CPSF4: variants seen among roughly 807,000 people sequenced by gnomAD.
The protein encoded by CPSF4 is cleavage and polyadenylation specific factor 4.
Under a neutral mutation model 37.7 loss-of-function variants are expected in CPSF4, and 11 were observed. The observed-to-expected ratio is 0.29, with a 90% CI of 0.18 to 0.48. The LOEUF is 0.48. Among genes scored for constraint, CPSF4 ranks in the 20% least tolerant of loss-of-function variants. CPSF4 has a pLI of 0.99. For synonymous variants in CPSF4, 132 were observed against 135.9 expected (o/e 0.97, Z 0.20); for missense variants, 144 against 359.5 (o/e 0.40, Z 4.85).
At position 99,443,401 on chromosome 7, in the gene CPSF4, C is replaced by A. The variant is rs539721298; in HGVS notation, c.104-1388C>A. The stretch of plus-strand genomic sequence containing the variant: ...TATGCCTGGAGTCTGTGGATAAGAT[C>A]TTGCTTTATTCCCTTGGTCTCCAAA... On this transcript the variant is annotated intron_variant, in intron 1 of 7. Coordinates refer to ENST00000292476, the MANE Select transcript of CPSF4 (RefSeq NM_006693.4). 4.5e-5 allele frequency: 65 copies of A among 1,457,320 alleles called. No homozygotes were observed. The East Asian group carries it at 1.5e-3, about 33-fold the overall frequency. 90.3% of individuals were successfully genotyped at this position (1,457,320 alleles called of 1,614,324 possible).
At chr7:99,442,334 T>TTTTTCTTTTC (rs1378782392) in intron 1 of CPSF4, among the ~76,000 whole-genome samples, 1 of 152,062 alleles carries the variant, frequency 6.6e-6, no homozygotes. Flanking sequence ...CTGTGCTTTT[T>TTTTTCTTTTC]TTTTCTTTTC....
chr7:99,454,547 C>T (rs899365624), intron 7 of CPSF4, among the ~76,000 whole-genome samples: 1 of 152,132 alleles, frequency 6.6e-6, no homozygotes, highest in Non-Finnish European at 1.5e-5. Context: ...TGTCCCCATC[C>T]CCTCCCCCAG....
intron 5 of CPSF4, 199 bp downstream of exon 5, chr7:99,450,994 C>G (rs1797890848): frequency 3.5e-6 from 2 of 566,382 alleles, no homozygotes; most frequent in Non-Finnish European, 6.3e-6. Flanking sequence ...TCTGCCTAGA[C>G]CAGGAGCTGA....
At chr7:99,440,499 C>A (rs1288235766) in intron 1 of CPSF4, among the ~76,000 whole-genome samples, 2 of 151,512 alleles carry the variant, frequency 1.3e-5, no homozygotes, top group African/African-American at 4.9e-5. Context: ...CAGGCATGCA[C>A]CAACACGCCT....
rs570745620 is a variant in CPSF4, at chr7:99,448,496, C to G, written c.307+223C>G. On this transcript the variant is annotated intron_variant, in intron 3 of 7. Coordinates refer to ENST00000292476, the MANE Select transcript of CPSF4 (RefSeq NM_006693.4). This position sits in a 1 kb window ranked among gnomAD's most constrained non-coding sequence, Gnocchi z 4.4. ...TTTTTTTTTTAAAGACATAGGGTCTCGCTATGTTTCACATACTGGTCTTGA... is the reference window on the plus strand; with the variant it reads ...TTTTTTTTTTAAAGACATAGGGTCTGGCTATGTTTCACATACTGGTCTTGA... 1 of 478,280 alleles carries G rather than the reference C, an allele frequency of 2.1e-6. No individual in the cohort carries two copies. Among genetic ancestry groups the G allele is most frequent in the Non-Finnish European group, 3.7e-6 (1 of 272,624 alleles). The allele number at this position is 478,280 out of a possible 1,614,324, so 29.6% of individuals were successfully genotyped here. A position where few individuals can be genotyped will look rare whatever the true frequency, so the allele number is the denominator to read the frequency against.
Position 99,454,001 on chromosome 7 carries a change from C to T in CPSF4, c.606C>T (p.Ser202=), listed in dbSNP as rs1164000126. ...ATCCGCCATTACAAAGGTCGTCCTC[C>T]TTGATCCAGTTAACGAGTCAGAACT... ...SNNPPLQRSS[S]LIQLTSQNSS... Residue 202 remains serine, a synonymous_variant, in exon 7 of 8, where the codon TCC becomes TCT. Coordinates refer to ENST00000292476, the MANE Select transcript of CPSF4 (RefSeq NM_006693.4). 6.2e-7 allele frequency: 1 copy of T among 1,614,084 alleles called. No individual in the cohort carries two copies. The highest frequency in any genetic ancestry group is 2.2e-5 in the East Asian group (1 of 44,896).
intron 1 of CPSF4, among the ~76,000 whole-genome samples, chr7:99,443,986 T>TA (rs772010285): frequency 6.6e-6 from 1 of 152,204 alleles, no homozygotes. Flanking sequence ...TTTCTGCACT[T>TA]AATGTGCTTC....
At chr7:99,445,685 A>C (rs1797433837) in intron 2 of CPSF4, among the ~76,000 whole-genome samples, 1 of 152,068 alleles carries the variant, frequency 6.6e-6, no homozygotes, top group South Asian at 2.1e-4. Context: ...GGAGTTTGAG[A>C]CCAGCCTGGC....
Position 99,453,910 on chromosome 7 carries a change from G to A in CPSF4, c.571-56G>A. 4 of 1,546,582 alleles carry A rather than the reference G, an allele frequency of 2.6e-6. No homozygotes were observed. Among genetic ancestry groups the A allele is most frequent in the Non-Finnish European group, 3.6e-6 (4 of 1,125,670 alleles). On this transcript the variant is annotated intron_variant, in intron 6 of 7. Coordinates refer to ENST00000292476, the MANE Select transcript of CPSF4 (RefSeq NM_006693.4). This position sits in a 1 kb window ranked among gnomAD's most constrained non-coding sequence, Gnocchi z 4.7. ...GCCCTCTTTTTTCCTGTCCCCATCG[G>A]TAGTCTGCGTGCACGTGTTTTCCAC...
rs1584479639 is a variant in CPSF4, at chr7:99,440,661, T to TAC, written c.103+1477_103+1478insCA. Among the ~76,000 whole-genome samples, 5 of 100,074 alleles carry TAC rather than the reference T, an allele frequency of 5.0e-5. No homozygotes were observed. In the East Asian group the frequency reaches 1.1e-3, roughly 22 times the overall value. The allele number at this position is 100,074 out of a possible 152,430, so 65.7% of individuals were successfully genotyped here. On this transcript the variant is annotated intron_variant, in intron 1 of 7. Transcript: ENST00000292476. ...CATGAGCCACTGCACCTGGCATATA[T>TAC]ATATATATATATATTTTTTTTTTTT...
chr7:99,455,781 T>C (rs916882658), intron 7 of CPSF4, among the ~76,000 whole-genome samples: 1 of 152,246 alleles, frequency 6.6e-6, no homozygotes, highest in Non-Finnish European at 1.5e-5. Context: ...CATGTGGCTC[T>C]GCAGGCTCCC....
chr7:99,442,669 A>AAAC (rs1554363502), intron 1 of CPSF4, among the ~76,000 whole-genome samples: 12 of 150,400 alleles, frequency 8.0e-5, no homozygotes, highest in East Asian at 7.8e-4. Flanking sequence ...AAAAAAAAAA[A>AAAC]AAAAAACAAA....
intron 1 of CPSF4, among the ~76,000 whole-genome samples, chr7:99,441,847 A>G (rs1305868860): frequency 6.6e-6 from 1 of 152,000 alleles, no homozygotes; most frequent in East Asian, 1.9e-4. Context: ...ACGTGCCACC[A>G]TGTCTGACTA....
At position 99,448,123 on chromosome 7, in the gene CPSF4, G is replaced by T; in HGVS notation, c.157G>T (p.Gly53Cys). 1 of 1,613,886 alleles carries T rather than the reference G, an allele frequency of 6.2e-7. No homozygotes were observed. Among genetic ancestry groups the T allele is most frequent in the Non-Finnish European group, 8.5e-7 (1 of 1,179,922 alleles). The change falls in exon 3 of 8, where the codon GGC becomes TGC. Residue 53 changes from glycine (G) to cysteine (C), a missense_variant and splice_region_variant. This residue lies in a region of CPSF4 where 42 missense variants were observed against 86.4 expected (regional missense o/e 0.49). Transcript: ENST00000292476. The surrounding 1 kb of genome is among the most constrained non-coding windows in gnomAD (Gnocchi z 4.4). ...CCCTGTCCCTATCTTGCCGGCAGGG[G>T]GCATGTGTCCGTTTCGCCACATCAG... Reference protein sequence around the residue: ...FFLKAACGKGGMCPFRHISGE... With the variant: ...FFLKAACGKGCMCPFRHISGE...
At chr7:99,440,338 G>A (rs1796788976) in intron 1 of CPSF4, among the ~76,000 whole-genome samples, 1 of 152,002 alleles carries the variant, frequency 6.6e-6, no homozygotes, top group Non-Finnish European at 1.5e-5. Flanking sequence ...GTCCCTTTAT[G>A]TGTTTTTGTT....
In CPSF4 at chr7:99,453,542, C is replaced by A. The variant is rs1798079636; in HGVS notation, c.571-424C>A. ...CTCCCTAGAGGAGGGTCCTCTCAGC[C>A]CGAGAACGCAGCTCAGTGTGTCAGG... On this transcript the variant is annotated intron_variant, in intron 6 of 7. Coordinates refer to ENST00000292476, the MANE Select transcript of CPSF4 (RefSeq NM_006693.4). The surrounding 1 kb of genome is among the most constrained non-coding windows in gnomAD (Gnocchi z 4.7). 6.5e-6 allele frequency: 1 copy of A among 155,000 alleles called. No homozygotes were observed. The highest frequency in any genetic ancestry group is 2.4e-5 in the African/African-American group (1 of 41,468). 9.6% of individuals were successfully genotyped at this position (155,000 alleles called of 1,614,324 possible). A position where few individuals can be genotyped will look rare whatever the true frequency, so the allele number is the denominator to read the frequency against.
Position 99,453,955 on chromosome 7 carries a change from ACT to A in CPSF4, c.571-8_571-7del, listed in dbSNP as rs1247037872. On this transcript the variant is annotated splice_polypyrimidine_tract_variant and intron_variant, in intron 6 of 7. Coordinates refer to ENST00000292476, the MANE Select transcript of CPSF4 (RefSeq NM_006693.4). This position sits in a 1 kb window ranked among gnomAD's most constrained non-coding sequence, Gnocchi z 4.7. Reference sequence around the variant, plus strand: ...TTCCACAGTAAAACCGTGTTGTGTAACTCTTTCCAGCAAAGTAACAATCCGCC... The same window carrying A: ...TTCCACAGTAAAACCGTGTTGTGTAACTTTCCAGCAAAGTAACAATCCGCC... 5 of 1,613,254 alleles carry A rather than the reference ACT, an allele frequency of 3.1e-6. No homozygotes were observed. The highest frequency in any genetic ancestry group is 3.3e-5 in the Admixed American group (2 of 59,910).
intron 2 of CPSF4, among the ~76,000 whole-genome samples, chr7:99,447,491 C>T (rs914803520): frequency 1.3e-4 from 20 of 151,828 alleles, no homozygotes; most frequent in South Asian, 6.2e-4. Flanking sequence ...AGGCTGGTCT[C>T]GAACTCCTGA....
rs1352421453 is a variant in CPSF4 at position 99,448,296 on chromosome 7, G to T, written c.307+23G>T. On this transcript the variant is annotated intron_variant, in intron 3 of 7. Coordinates refer to ENST00000292476, the MANE Select transcript of CPSF4 (RefSeq NM_006693.4). This position sits in a 1 kb window ranked among gnomAD's most constrained non-coding sequence, Gnocchi z 4.4. Reference sequence around the variant, plus strand: ...TCGGTAAGGCGCCTGGAGCCCTGGAGGCTCTGCTGAGAACCAGGGTGCAGA... The same window carrying T: ...TCGGTAAGGCGCCTGGAGCCCTGGATGCTCTGCTGAGAACCAGGGTGCAGA... The T allele has an allele frequency of 6.2e-7, 1 of 1,613,126 alleles. No homozygotes were observed. Among genetic ancestry groups the T allele is most frequent in the African/African-American group, 1.3e-5 (1 of 74,910 alleles).
Sources: allele counts gnomAD v4.1 joint callset (sites outside exome capture counted in the v4.1 genomes callset), GRCh38; gene constraint gnomAD v4.1.1; regional missense constraint gnomAD v4.1.1; non-coding constraint Gnocchi (gnomAD v3.1); transcripts MANE v1.5; gene names NCBI Gene and HGNC (gene_info 2026-07-23, HGNC 2026-07-21).